The following ATR variants were observed in gnomAD, a reference collection of about 807,000 sequenced individuals.
ATR encodes serine/threonine-protein kinase ATR.
In ATR, 142 loss-of-function variants were observed where a neutral mutation model predicts 305.3. That is an observed-to-expected ratio of 0.47 (90% CI 0.41 to 0.53). The LOEUF (loss-of-function observed/expected upper bound fraction) is 0.53. Among genes scored for constraint, ATR ranks in the 20% least tolerant of loss-of-function variants. The pLI is 0.00. For missense variants in ATR, 2,135 were observed against 3,133.1 expected (o/e 0.68, Z 7.60); for synonymous variants, 1,050 against 1,068.1 (o/e 0.98, Z 0.33).
At chr3:142,577,076 T>A (rs1430723071) in intron 1 of ATR, among the ~76,000 whole-genome samples, 1 of 149,754 alleles carries the variant, frequency 6.7e-6, no homozygotes, top group African/African-American at 2.4e-5. Flanking sequence ...TTTCATTCTA[T>A]GTCATGGATA....
intron 19 of ATR, 66 bp downstream of exon 19, chr3:142,538,416 T>C (rs965251273): frequency 2.6e-6 from 4 of 1,529,374 alleles, no homozygotes; most frequent in Non-Finnish European, 2.7e-6. Flanking sequence ...TTACCATCAG[T>C]AATTTTGAGA....
intron 1 of ATR, among the ~76,000 whole-genome samples, chr3:142,574,557 A>C (rs971769070): frequency 1.3e-5 from 2 of 152,158 alleles, no homozygotes; most frequent in African/African-American, 4.8e-5. Flanking sequence ...AGAGGGTATA[A>C]CTTTTCAAAA....
intron 6 of ATR, 93 bp downstream of exon 6, chr3:142,560,170 T>C (rs2034824033): frequency 1.6e-6 from 2 of 1,280,400 alleles, no homozygotes; most frequent in African/African-American, 1.5e-5. Context: ...GTTTGTGTTC[T>C]AAGGTTACAT....
chr3:142,566,868 T>C lies in ATR; in HGVS notation c.152-607A>G, dbSNP rs1323541063. Among the ~76,000 whole-genome samples, 15 of 152,064 alleles carry C rather than the reference T, an allele frequency of 9.9e-5. No individual in the cohort carries two copies. The South Asian group carries it at 1.7e-3, about 17-fold the overall frequency. On this transcript the variant is annotated intron_variant, in intron 2 of 46. Coordinates refer to ENST00000350721, the MANE Select transcript of ATR (RefSeq NM_001184.4). ...AAGTGATTCTTCTGCCTCAGCCTCC[T>C]GAGTAGCTAGGACTACAGGTGTGTG...
chr3:142,564,079 T>G (rs1000565093), intron 3 of ATR, among the ~76,000 whole-genome samples: 2 of 152,194 alleles, frequency 1.3e-5, no homozygotes, highest in Non-Finnish European at 2.9e-5. Context: ...TTACAACTTG[T>G]TGAAGGATGA....
At chr3:142,479,601 G>A (rs142993280) in intron 36 of ATR, among the ~76,000 whole-genome samples, 2,745 of 152,136 alleles carry the variant, frequency 0.018, 29 homozygotes, top group South Asian at 0.041. Context: ...TCTTTGTGGC[G>A]TTCTCTGTAT....
At position 142,538,556 on chromosome 3, in the gene ATR, T is replaced by C. The variant is rs1232980147; in HGVS notation, c.3651A>G (p.Val1217=). 1 of 1,613,554 alleles carries C rather than the reference T, an allele frequency of 6.2e-7. No homozygotes were observed. Among genetic ancestry groups the C allele is most frequent in the Admixed American group, 1.7e-5 (1 of 59,960 alleles). ...CLGSLLSHVI[V]ALLPLIHIQP... ...GGATGTGTATAAGAGGTAACAAAGC[T>C]ACTATTACATGACTGAGAAGGGAGC... Residue 1217 remains valine, a synonymous_variant, in exon 19 of 47, where the codon GTA becomes GTG. Transcript: ENST00000350721.
At chr3:142,481,829 TA>T (rs2030512160) in intron 36 of ATR, among the ~76,000 whole-genome samples, 1 of 151,406 alleles carries the variant, frequency 6.6e-6, no homozygotes, top group African/African-American at 2.4e-5. Context: ...TTTATTTATT[TA>T]TTTTTTTTTT....
Position 142,466,402 on chromosome 3 carries a change from A to C in ATR, c.6819T>G (p.Ile2273Met), listed in dbSNP as rs1425608931. Reference protein sequence around the residue: ...QSVMIPTLPSILGTHANHASH... With the variant: ...QSVMIPTLPSMLGTHANHASH... The stretch of plus-strand genomic sequence containing the variant: ...TAGCATGGTTAGCATGGGTACCCAG[A>C]ATTGATGGAAGTGTAGGTATCATGA... The change falls in exon 40 of 47, where the codon ATT (isoleucine) becomes ATG (methionine). Residue 2273 changes from isoleucine (I) to methionine (M), a missense_variant. By Grantham distance (10) the Ile-to-Met change is conservative (BLOSUM62 1). This residue lies in a region of ATR where 462 missense variants were observed against 887.6 expected (regional missense o/e 0.52). Coordinates refer to ENST00000350721, the MANE Select transcript of ATR (RefSeq NM_001184.4). The C allele has an allele frequency of 6.2e-7, 1 of 1,614,046 alleles. No homozygotes were observed. Among genetic ancestry groups the C allele is most frequent in the East Asian group, 2.2e-5 (1 of 44,846 alleles).
At chr3:142,470,672 C>T (rs1198906407) in intron 36 of ATR, among the ~76,000 whole-genome samples, 1 of 152,034 alleles carries the variant, frequency 6.6e-6, no homozygotes, top group African/African-American at 2.4e-5. Flanking sequence ...GAATCAATAC[C>T]TACATATTAA....
Position 142,457,596 on chromosome 3 carries a change from GTGA to G in ATR, c.7655+5_7655+7del. The G allele has an allele frequency of 6.2e-7, 1 of 1,613,760 alleles. No individual in the cohort carries two copies. Among genetic ancestry groups the G allele is most frequent in the Non-Finnish European group, 8.5e-7 (1 of 1,179,850 alleles). On this transcript the variant is annotated splice_donor_5th_base_variant and intron_variant, in intron 45 of 46. Transcript: ENST00000350721. ...CTGTTAAATTATTTACAAAGTATAG[GTGA>G]TTACCTCATTAAAGGCTCTCGCTGA... is the stretch of plus-strand genomic sequence containing the variant.
At chr3:142,553,453 C>CAT (rs2034552205) in intron 12 of ATR, 55 bp from the exon 13 acceptor site, 2 of 1,501,452 alleles carry the variant, frequency 1.3e-6, no homozygotes, top group Admixed American at 3.4e-5. Context: ...CACACACACA[C>CAT]ACACATACAC....
intron 3 of ATR, among the ~76,000 whole-genome samples, chr3:142,565,176 A>G (rs1215734501): frequency 6.6e-6 from 1 of 152,180 alleles, no homozygotes; most frequent in Non-Finnish European, 1.5e-5. Flanking sequence ...ACCAATGATT[A>G]GAGCACAGTT....
intron 35 of ATR, among the ~76,000 whole-genome samples, chr3:142,487,653 T>A (rs1407176335): frequency 6.6e-6 from 1 of 152,230 alleles, no homozygotes; most frequent in Non-Finnish European, 1.5e-5. Flanking sequence ...GTGTTTATCC[T>A]CTGGGGACAT....
At chr3:142,527,978 A>T (rs1577637910) in intron 21 of ATR, among the ~76,000 whole-genome samples, 1 of 152,106 alleles carries the variant, frequency 6.6e-6, no homozygotes, top group Admixed American at 6.6e-5. Flanking sequence ...CCAGCAAACC[A>T]CCAGAAGCTC....
In ATR at chr3:142,488,421, C is replaced by T. The variant is rs1315778021; in HGVS notation, c.6079-3139G>A. Among the ~76,000 whole-genome samples, 3 of 152,068 alleles carry T rather than the reference C, an allele frequency of 2.0e-5. No homozygotes were observed. The East Asian group carries it at 5.8e-4, about 29-fold the overall frequency. ...GATTGGGCCAACTATTTTCTCCCTG[C>T]ACCTGACCTCACACGATACAGTAAA... On this transcript the variant is annotated intron_variant, in intron 35 of 46. Transcript: ENST00000350721.
chr3:142,502,631 A>C (rs115619027), intron 30 of ATR, among the ~76,000 whole-genome samples: 1 of 152,182 alleles, frequency 6.6e-6, no homozygotes, highest in African/African-American at 2.4e-5. Context: ...AGTTGAAAAA[A>C]AAGAGAAAGA....
In ATR at chr3:142,468,079, A is replaced by G; in HGVS notation, c.6553-11T>C. The G allele has an allele frequency of 6.2e-7, 1 of 1,611,452 alleles. No homozygotes were observed. The highest frequency in any genetic ancestry group is 1.3e-5 in the African/African-American group (1 of 74,988). On this transcript the variant is annotated splice_polypyrimidine_tract_variant and intron_variant, in intron 38 of 46. Coordinates refer to ENST00000350721, the MANE Select transcript of ATR (RefSeq NM_001184.4). ...CATGGGATAAGATGACTGTCATAAAAAAGAGTTAAATGTCATAAAAAAGAG... is the reference window on the plus strand; with the variant it reads ...CATGGGATAAGATGACTGTCATAAAGAAGAGTTAAATGTCATAAAAAAGAG...
intron 2 of ATR, 133 bp from the exon 3 acceptor site, chr3:142,566,394 G>A (rs1400016767): frequency 2.9e-5 from 28 of 953,954 alleles, no homozygotes; most frequent in East Asian, 1.6e-4. Context: ...TGAAGTGGGC[G>A]GATCACCTGA....
Sources: allele counts gnomAD v4.1 joint callset (sites outside exome capture counted in the v4.1 genomes callset), GRCh38; gene constraint gnomAD v4.1.1; regional missense constraint gnomAD v4.1.1; transcripts MANE v1.5; gene names NCBI Gene and HGNC (gene_info 2026-07-23, HGNC 2026-07-21).